TANC2: variants seen among roughly 807,000 people sequenced by gnomAD.
The protein encoded by TANC2 is tetratricopeptide repeat, ankyrin repeat and coiled-coil containing 2.
Under a neutral mutation model 210.5 loss-of-function variants are expected in TANC2, and 26 were observed. That is an observed-to-expected ratio of 0.12 (90% confidence interval 0.09 to 0.17). The LOEUF is 0.17. Among genes scored for constraint, TANC2 ranks in the 10% least tolerant of loss-of-function variants. The probability of loss-of-function intolerance (pLI) is 1.00; values close to 1 mark genes in which losing one functional copy is unlikely to be tolerated. For synonymous variants in TANC2, 931 were observed against 967.1 expected (o/e 0.96, Z 0.69); for missense variants, 2,129 against 2,608.9 (o/e 0.82, Z 4.01).
At chr17:63,276,684 C>T (rs1166522526) in intron 9 of TANC2, among the ~76,000 whole-genome samples, 3 of 151,914 alleles carry the variant, frequency 2.0e-5, no homozygotes, top group Non-Finnish European at 2.9e-5. Context: ...AAGCCTTCCC[C>T]CTTTTTTATC....
chr17:62,969,829 A>T (rs184308828), intron 1 of TANC2, among the ~76,000 whole-genome samples: 1 of 152,050 alleles, frequency 6.6e-6, no homozygotes, highest in East Asian at 1.9e-4. Flanking sequence ...CTTCCTACTC[A>T]TATTTTTATG....
chr17:63,152,498 T>C (rs895669030), intron 5 of TANC2: 5 of 152,132 alleles, frequency 3.3e-5, no homozygotes, highest in African/African-American at 7.2e-5. Context: ...TCCACTCTTA[T>C]AGATAACCAT....
chr17:63,086,477 T>C (rs1456114452), intron 3 of TANC2, among the ~76,000 whole-genome samples: 1 of 152,224 alleles, frequency 6.6e-6, no homozygotes, highest in African/African-American at 2.4e-5. Context: ...AGTCTGCTAA[T>C]GAGGCCATTA....
At position 63,404,836 on chromosome 17, in the gene TANC2, G is replaced by A. The variant is rs571375763; in HGVS notation, c.3332-286G>A. 2.6e-5 allele frequency among the ~76,000 whole-genome samples: 4 copies of A among 152,070 alleles called. No homozygotes were observed. In the South Asian group the frequency reaches 8.3e-4, roughly 32 times the overall value. ...ACCAAAGGAGAGGTAGACCAAAGCA[G>A]AGAAGACAGTCTGGTTAGGAAAAAT... On this transcript the variant is annotated intron_variant, in intron 19 of 27. Transcript: ENST00000689528.
intron 9 of TANC2, among the ~76,000 whole-genome samples, chr17:63,293,186 A>G (rs2044433626): frequency 6.6e-6 from 1 of 152,216 alleles, no homozygotes. Context: ...TGACTCTTGT[A>G]AATGGAAGAA....
chr17:63,045,681 C>G (rs2035350575), intron 2 of TANC2, among the ~76,000 whole-genome samples: 1 of 151,880 alleles, frequency 6.6e-6, no homozygotes, highest in African/African-American at 2.4e-5. Context: ...TGTTGAATAC[C>G]CTTTTCTTAC....
chr17:63,079,319 G>A (rs985278559), intron 3 of TANC2, among the ~76,000 whole-genome samples: 1 of 151,988 alleles, frequency 6.6e-6, no homozygotes, highest in Non-Finnish European at 1.5e-5. Context: ...TGGGGTTTGG[G>A]GTACATAAAA....
At chr17:63,392,832 A>G (rs1030334650) in intron 17 of TANC2, among the ~76,000 whole-genome samples, 4 of 152,208 alleles carry the variant, frequency 2.6e-5, no homozygotes, top group African/African-American at 9.6e-5. Flanking sequence ...ATTTAAAATA[A>G]TAAAAGTAAA....
In TANC2 at chr17:63,009,534, C is replaced by T. The variant is rs746358446; in HGVS notation, c.-23-3C>T. 4.4e-6 allele frequency: 7 copies of T among 1,604,232 alleles called. No homozygotes were observed. In the South Asian group the frequency reaches 6.6e-5, roughly 15 times the overall value. ...ACACATTTTCCTATATTTTCTTTTA[C>T]AGTTTTGCAGTAGAAGAGTATAACC... On this transcript the variant is annotated splice_region_variant and splice_polypyrimidine_tract_variant and intron_variant, in intron 1 of 27. Coordinates refer to ENST00000689528, the Ensembl canonical transcript of TANC2.
At chr17:62,998,228 A>G (rs903598903) in intron 1 of TANC2, among the ~76,000 whole-genome samples, 9 of 152,238 alleles carry the variant, frequency 5.9e-5, no homozygotes, top group Admixed American at 5.2e-4. Flanking sequence ...AAAAACCAAT[A>G]AAGAAGAATG....
At chr17:63,208,707 A>G (rs1480991355) in intron 7 of TANC2, among the ~76,000 whole-genome samples, 2 of 152,116 alleles carry the variant, frequency 1.3e-5, no homozygotes, top group African/African-American at 4.8e-5. Context: ...AAAATGTTCT[A>G]ATTTTTCAAT....
At chr17:63,030,167 A>G (rs1437034075) in intron 2 of TANC2, among the ~76,000 whole-genome samples, 1 of 152,160 alleles carries the variant, frequency 6.6e-6, no homozygotes, top group Non-Finnish European at 1.5e-5. Context: ...TTTAGAGGAA[A>G]TATGAACTTT....
chr17:63,394,081 A>T (rs2048077747), intron 17 of TANC2, among the ~76,000 whole-genome samples: 2 of 152,052 alleles, frequency 1.3e-5, no homozygotes, highest in African/African-American at 4.8e-5. Context: ...CACTGCAATA[A>T]TTATTGCTTT....
intron 12 of TANC2, among the ~76,000 whole-genome samples, chr17:63,346,111 C>T (rs554443930): frequency 6.6e-6 from 1 of 152,120 alleles, no homozygotes; most frequent in African/African-American, 2.4e-5. Flanking sequence ...TCACACTATA[C>T]ACCAAAATTA....
chr17:63,363,556 C>A (rs1391676007), intron 14 of TANC2, among the ~76,000 whole-genome samples: 1 of 152,152 alleles, frequency 6.6e-6, no homozygotes, highest in African/African-American at 2.4e-5. Context: ...AGATAGGGAT[C>A]TAGTTTCATT....
rs147948787 is a variant in TANC2, at chr17:63,165,905, A to C, written c.433+14525A>C. 2.0e-5 allele frequency among the ~76,000 whole-genome samples: 3 copies of C among 152,354 alleles called. No homozygotes were observed. The East Asian group carries it at 5.8e-4, about 29-fold the overall frequency. Reference sequence around the variant, plus strand: ...AGCAAACAATAGAAACCTCAGTTTAAAACCCAAAGGAACATTTCAGTAAGA... The same window carrying C: ...AGCAAACAATAGAAACCTCAGTTTACAACCCAAAGGAACATTTCAGTAAGA... On this transcript the variant is annotated intron_variant, in intron 5 of 27. Transcript: ENST00000689528.
At chr17:63,072,929 TTA>T (rs1249267119) in intron 2 of TANC2, among the ~76,000 whole-genome samples, 1 of 152,100 alleles carries the variant, frequency 6.6e-6, no homozygotes, top group Non-Finnish European at 1.5e-5. Flanking sequence ...GCAATAGATG[TTA>T]CTACACGAGC....
At chr17:63,043,745 GT>G (rs1056355695) in intron 2 of TANC2, among the ~76,000 whole-genome samples, 1 of 152,046 alleles carries the variant, frequency 6.6e-6, no homozygotes, top group Non-Finnish European at 1.5e-5. Flanking sequence ...CTGATGTTTT[GT>G]TTTCTAAAAT....
chr17:63,192,992 G>T (rs1598576098), intron 5 of TANC2, among the ~76,000 whole-genome samples: 2 of 152,254 alleles, frequency 1.3e-5, no homozygotes, highest in South Asian at 4.1e-4. Context: ...ATATCTAGAG[G>T]TCTGGAATCT....
Sources: allele counts gnomAD v4.1 joint callset (sites outside exome capture counted in the v4.1 genomes callset), GRCh38; gene constraint gnomAD v4.1.1; transcripts MANE v1.5; gene names NCBI Gene and HGNC (gene_info 2026-07-23, HGNC 2026-07-21).